KCNQ1: variants seen among roughly 807,000 people sequenced by gnomAD.
The protein encoded by KCNQ1 is potassium voltage-gated channel subfamily Q member 1.
KCNQ1 carries 49 observed loss-of-function variants against 72.4 expected under a neutral mutation model. The observed-to-expected ratio is 0.68, with a 90% CI of 0.54 to 0.86. The LOEUF (loss-of-function observed/expected upper bound fraction) is 0.86. KCNQ1 is among the 40% of genes least tolerant of loss of function. The pLI is 0.00. For missense variants in KCNQ1, 790 were observed against 945.1 expected, an observed-to-expected ratio of 0.84 and a Z score of 2.15; for synonymous variants, 450 against 412.6, an observed-to-expected ratio of 1.09 and a Z score of -1.10.
rs147569714 is a variant in KCNQ1 at position 2,813,448 on chromosome 11, C to T, written c.1795-34319C>T. Reference sequence around the variant, plus strand: ...CAGTGCTTAGAGCAAATGCCCCTCCCCCGCCATCTTTTCATGACTCTCCCC... The same window carrying T: ...CAGTGCTTAGAGCAAATGCCCCTCCTCCGCCATCTTTTCATGACTCTCCCC... On this transcript the variant is annotated intron_variant, in intron 15 of 15. Coordinates refer to ENST00000155840, the MANE Select transcript of KCNQ1 (RefSeq NM_000218.3). This position sits in a 1 kb window ranked among gnomAD's most constrained non-coding sequence, Gnocchi z 4.4. Among the ~76,000 whole-genome samples the T allele has an allele frequency of 6.6e-6, 1 of 152,224 alleles. No homozygotes were observed. Among genetic ancestry groups the T allele is most frequent in the African/African-American group, 2.4e-5 (1 of 41,564 alleles).
rs1398127021 is a variant in KCNQ1, at chr11:2,645,343, C to T, written c.1394-16618C>T. The T allele has an allele frequency of 5.0e-6, 2 of 398,520 alleles. No homozygotes were observed. Among genetic ancestry groups the T allele is most frequent in the Non-Finnish European group, 4.4e-6 (1 of 226,218 alleles). The allele number at this position is 398,520 out of a possible 1,614,324, so 24.7% of individuals were successfully genotyped here. A position where few individuals can be genotyped will look rare whatever the true frequency, so the allele number is the denominator to read the frequency against. Reference sequence around the variant, plus strand: ...GGATAGGGCAGGGTGATCCCTAGGCCCAGAGATGGTATGCGCTGGCACTGG... The same window carrying T: ...GGATAGGGCAGGGTGATCCCTAGGCTCAGAGATGGTATGCGCTGGCACTGG... On this transcript the variant is annotated intron_variant, in intron 10 of 15. Transcript: ENST00000155840. This position sits in a 1 kb window ranked among gnomAD's most constrained non-coding sequence, Gnocchi z 5.8.
chr11:2,629,886 C>T (rs779854283), intron 10 of KCNQ1: 10 of 398,216 alleles, frequency 2.5e-5, no homozygotes, highest in Non-Finnish European at 4.4e-5. Flanking sequence ...AATTTTACTT[C>T]CTTCTTTCTG....
At chr11:2,527,208 C>A (rs1030620592) in intron 1 of KCNQ1, among the ~76,000 whole-genome samples, 1 of 152,150 alleles carries the variant, frequency 6.6e-6, no homozygotes, top group Non-Finnish European at 1.5e-5. Context: ...GCCTCGGGGC[C>A]TTGGAAAGGA....
rs1160353198 is a variant in KCNQ1 at position 2,668,092 on chromosome 11, T to C, written c.1514+6011T>C. ...ATGATGCAACTCATACACCTTTGTG[T>C]CCAATGTCCCTCACTCAATTTGATG... is the stretch of plus-strand genomic sequence containing the variant. On this transcript the variant is annotated intron_variant, in intron 11 of 15. Coordinates refer to ENST00000155840, the MANE Select transcript of KCNQ1 (RefSeq NM_000218.3). This position sits in a 1 kb window ranked among gnomAD's most constrained non-coding sequence, Gnocchi z 4.3. 13 of 398,596 alleles carry C rather than the reference T, an allele frequency of 3.3e-5. No individual in the cohort carries two copies. The East Asian group carries it at 4.6e-4, about 14-fold the overall frequency. The allele number at this position is 398,596 out of a possible 1,614,324, so 24.7% of individuals were successfully genotyped here. A position where few individuals can be genotyped will look rare whatever the true frequency, so the allele number is the denominator to read the frequency against.
intron 11 of KCNQ1, chr11:2,686,939 G>GAGCATGCCC (rs1042177071): frequency 2.5e-6 from 1 of 398,548 alleles, no homozygotes. Flanking sequence ...CCGTGATGCG[G>GAGCATGCCC]AGCATGCCCA....
intron 15 of KCNQ1, among the ~76,000 whole-genome samples, chr11:2,802,823 T>C (rs1847294919): frequency 6.6e-6 from 1 of 152,186 alleles, no homozygotes; most frequent in African/African-American, 2.4e-5. Flanking sequence ...ATGGGGAAGC[T>C]GAGTGGCCAC....
At chr11:2,812,404 TC>T (rs1847507685) in intron 15 of KCNQ1, among the ~76,000 whole-genome samples, 1 of 152,050 alleles carries the variant, frequency 6.6e-6, no homozygotes, top group Non-Finnish European at 1.5e-5. Context: ...CTGGCAGTGC[TC>T]GGGGGCTCCA....
chr11:2,794,363 G>T (rs1847089636), intron 15 of KCNQ1, among the ~76,000 whole-genome samples: 1 of 152,188 alleles, frequency 6.6e-6, no homozygotes, highest in South Asian at 2.1e-4. Context: ...AGGTAGGAGG[G>T]TCAGGAGGGT....
Position 2,669,782 on chromosome 11 carries a change from G to A in KCNQ1, c.1514+7701G>A. ...TCTCTTTGTGATGGGAGATCCTGTG[G>A]GGACATTCCTTATTTGGCCTGAGAG... On this transcript the variant is annotated intron_variant, in intron 11 of 15. Coordinates refer to ENST00000155840, the MANE Select transcript of KCNQ1 (RefSeq NM_000218.3). The surrounding 1 kb of genome is among the most constrained non-coding windows in gnomAD (Gnocchi z 5.6). 2.5e-6 allele frequency: 1 copy of A among 398,596 alleles called. No individual in the cohort carries two copies. Among genetic ancestry groups the A allele is most frequent in the Admixed American group, 4.4e-5 (1 of 22,734 alleles). 24.7% of individuals were successfully genotyped at this position (398,596 alleles called of 1,614,324 possible).
At chr11:2,535,173 G>C (rs1847708968) in intron 2 of KCNQ1, among the ~76,000 whole-genome samples, 1 of 152,240 alleles carries the variant, frequency 6.6e-6, no homozygotes, top group Non-Finnish European at 1.5e-5. Flanking sequence ...GAGGCTCTCG[G>C]AGCCTGTTCA....
chr11:2,829,981 G>C, intron 15 of KCNQ1, among the ~76,000 whole-genome samples: 1 of 135,176 alleles, frequency 7.4e-6, no homozygotes, highest in East Asian at 2.2e-4. Context: ...GGAAGGAGGA[G>C]GGAGGAGGAA....
In KCNQ1 at chr11:2,816,504, T is replaced by TC. The variant is rs1224879845; in HGVS notation, c.1795-31261dup. Among the ~76,000 whole-genome samples, 4 of 152,108 alleles carry TC rather than the reference T, an allele frequency of 2.6e-5. No individual in the cohort carries two copies. Among genetic ancestry groups the TC allele is most frequent in the African/African-American group, 9.7e-5 (4 of 41,438 alleles). On this transcript the variant is annotated intron_variant, in intron 15 of 15. Coordinates refer to ENST00000155840, the MANE Select transcript of KCNQ1 (RefSeq NM_000218.3). This position sits in a 1 kb window ranked among gnomAD's most constrained non-coding sequence, Gnocchi z 6.8. ...GCTTCTGGGTTGTGCGTCATCGCTG[T>TC]CCAGGAGTGGTGAAAAGCTGGACTC... is the stretch of plus-strand genomic sequence containing the variant.
chr11:2,626,684 A>G lies in KCNQ1; in HGVS notation c.1394-35277A>G. On this transcript the variant is annotated intron_variant, in intron 10 of 15. Coordinates refer to ENST00000155840, the MANE Select transcript of KCNQ1 (RefSeq NM_000218.3). This position sits in a 1 kb window ranked among gnomAD's most constrained non-coding sequence, Gnocchi z 4.0. Reference sequence around the variant, plus strand: ...GCTGGGAATAGAAGTGTGTACCATTACACCTGGCCAATTATTTTATTTTTT... The same window carrying G: ...GCTGGGAATAGAAGTGTGTACCATTGCACCTGGCCAATTATTTTATTTTTT... 7.5e-6 allele frequency: 3 copies of G among 397,912 alleles called. No individual in the cohort carries two copies. The highest frequency in any genetic ancestry group is 1.3e-5 in the Non-Finnish European group (3 of 226,012). 24.6% of individuals were successfully genotyped at this position (397,912 alleles called of 1,614,324 possible). A position where few individuals can be genotyped will look rare whatever the true frequency, so the allele number is the denominator to read the frequency against.
At position 2,479,193 on chromosome 11, in the gene KCNQ1, T is replaced by C. The variant is rs1846618190; in HGVS notation, c.386+33709T>C. Among the ~76,000 whole-genome samples, 1 of 152,212 alleles carries C rather than the reference T, an allele frequency of 6.6e-6. No individual in the cohort carries two copies. The highest frequency in any genetic ancestry group is 6.5e-5 in the Admixed American group (1 of 15,288). Reference sequence around the variant, plus strand: ...GCTTTTCCAGGCACATGGTGCAAGCTGTTGATGGATCTATCATTCTGGGAT... The same window carrying C: ...GCTTTTCCAGGCACATGGTGCAAGCCGTTGATGGATCTATCATTCTGGGAT... On this transcript the variant is annotated intron_variant, in intron 1 of 15. Transcript: ENST00000155840. The surrounding 1 kb of genome is among the most constrained non-coding windows in gnomAD (Gnocchi z 4.6).
At position 2,458,367 on chromosome 11, in the gene KCNQ1, G is replaced by A. The variant is rs920150326; in HGVS notation, c.386+12883G>A. On this transcript the variant is annotated intron_variant, in intron 1 of 15. Transcript: ENST00000155840. This position sits in a 1 kb window ranked among gnomAD's most constrained non-coding sequence, Gnocchi z 4.6. ...CGCTCATGATGTTGAATCCTGGCAA[G>A]CAAACGGAGAGAATCTGACATGTGT... 2.6e-5 allele frequency among the ~76,000 whole-genome samples: 4 copies of A among 152,228 alleles called. No individual in the cohort carries two copies. Among genetic ancestry groups the A allele is most frequent in the Admixed American group, 1.3e-4 (2 of 15,288 alleles).
intron 1 of KCNQ1, among the ~76,000 whole-genome samples, chr11:2,489,874 G>GGTA (rs1322720546): frequency 1.3e-5 from 2 of 152,208 alleles, no homozygotes; most frequent in East Asian, 3.9e-4. Context: ...AGCAGTGCCA[G>GGTA]GTAGTATCCT....
chr11:2,731,768 G>T (rs1371930406), intron 11 of KCNQ1, among the ~76,000 whole-genome samples: 1 of 152,256 alleles, frequency 6.6e-6, no homozygotes, highest in Admixed American at 6.5e-5. Context: ...CACCCAGGAG[G>T]CTCCTATGGC....
At chr11:2,461,361 G>C in intron 1 of KCNQ1, 2 of 1,181,750 alleles carry the variant, frequency 1.7e-6, no homozygotes, top group Non-Finnish European at 2.2e-6. Flanking sequence ...CTGAAGCTCT[G>C]TCCGGGAAGG....
At chr11:2,708,301 C>T (rs1257102754) in intron 11 of KCNQ1, among the ~76,000 whole-genome samples, 4 of 152,182 alleles carry the variant, frequency 2.6e-5, no homozygotes, top group Non-Finnish European at 4.4e-5. Flanking sequence ...TGTCTGCGGC[C>T]CGGGCCGCTG....
Sources: allele counts gnomAD v4.1 joint callset (sites outside exome capture counted in the v4.1 genomes callset), GRCh38; gene constraint gnomAD v4.1.1; non-coding constraint Gnocchi (gnomAD v3.1); transcripts MANE v1.5; gene names NCBI Gene and HGNC (gene_info 2026-07-23, HGNC 2026-07-21).